Variants in ARHGEF3 observed in about 807,000 individuals in gnomAD.
ARHGEF3 encodes the protein 59.8 kDA protein.
ARHGEF3 carries 28 observed loss-of-function variants against 63.2 expected under a neutral mutation model. The ratio of observed to expected loss-of-function variants is 0.44; its 90% CI spans 0.33 to 0.61. The LOEUF is 0.61. Ranked by LOEUF, ARHGEF3 falls within the 20% of genes least tolerant of loss-of-function variation. The pLI is 0.03. For missense variants in ARHGEF3, 533 were observed against 659.3 expected (o/e 0.81, Z 2.10); for synonymous variants, 266 against 254.2 (o/e 1.05, Z -0.44).
chr3:57,056,039 C>T (rs1164205532), intron 1 of ARHGEF3, among the ~76,000 whole-genome samples: 1 of 151,910 alleles, frequency 6.6e-6, no homozygotes, highest in African/African-American at 2.4e-5. Context: ...AGAATATGAG[C>T]AGACATAGCC....
chr3:56,896,091 A>C (rs1243960146), intron 3 of ARHGEF3, among the ~76,000 whole-genome samples: 6 of 152,224 alleles, frequency 3.9e-5, no homozygotes, highest in Admixed American at 1.3e-4. Context: ...AGAGGAACAA[A>C]GGAACACAGG....
At chr3:56,853,683 T>C (rs1185344902) in intron 4 of ARHGEF3, among the ~76,000 whole-genome samples, 1 of 152,208 alleles carries the variant, frequency 6.6e-6, no homozygotes, top group African/African-American at 2.4e-5. Context: ...CCAAAATTAA[T>C]GAATGCTTTA....
chr3:56,946,774 C>T (rs1699524121), intron 3 of ARHGEF3, among the ~76,000 whole-genome samples: 1 of 152,022 alleles, frequency 6.6e-6, no homozygotes, highest in African/African-American at 2.4e-5. Flanking sequence ...GAAACACAGA[C>T]AATGTCACAA....
At chr3:56,905,351 A>G (rs1000468318) in intron 3 of ARHGEF3, among the ~76,000 whole-genome samples, 25 of 152,110 alleles carry the variant, frequency 1.6e-4, no homozygotes, top group Admixed American at 1.0e-3. Flanking sequence ...ATGCTAACAC[A>G]CTATAGGTAC....
At chr3:56,869,347 C>T (rs1419707515) in intron 4 of ARHGEF3, among the ~76,000 whole-genome samples, 1 of 152,146 alleles carries the variant, frequency 6.6e-6, no homozygotes, top group Admixed American at 6.6e-5. Flanking sequence ...GAATGTTATG[C>T]TTATAGAGAA....
intron 4 of ARHGEF3, among the ~76,000 whole-genome samples, chr3:56,846,400 C>T (rs370860321): frequency 1.3e-4 from 16 of 125,570 alleles, no homozygotes; most frequent in Admixed American, 6.3e-4. Flanking sequence ...TCAAGTGCAA[C>T]GACAAGTAAC....
At chr3:56,984,795 C>G (rs1418581628) in intron 2 of ARHGEF3, among the ~76,000 whole-genome samples, 1 of 152,092 alleles carries the variant, frequency 6.6e-6, no homozygotes, top group African/African-American at 2.4e-5. Flanking sequence ...TAGTTTGGCT[C>G]TTAGAGTGGA....
chr3:57,058,372 C>T lies in ARHGEF3; in HGVS notation c.-28+20854G>A, dbSNP rs534580550. The stretch of plus-strand genomic sequence containing the variant: ...AAACTGTCATAGACTGTGATGCTCT[C>T]GGCGTCCAGCAAAATGAGTGATACT... On this transcript the variant is annotated intron_variant, in intron 1 of 12. Coordinates refer to the ARHGEF3 transcript ENST00000338458. 7.2e-5 allele frequency among the ~76,000 whole-genome samples: 11 copies of T among 152,322 alleles called. No individual in the cohort carries two copies. In the East Asian group the frequency reaches 1.3e-3, roughly 19 times the overall value.
At chr3:56,831,374 C>T (rs1351928304) in intron 4 of ARHGEF3, among the ~76,000 whole-genome samples, 1 of 152,216 alleles carries the variant, frequency 6.6e-6, no homozygotes, top group Non-Finnish European at 1.5e-5. Flanking sequence ...GCTTATTTAC[C>T]TTCCAAGGGT....
chr3:57,058,787 A>G (rs1017985870), intron 1 of ARHGEF3, among the ~76,000 whole-genome samples: 1 of 152,074 alleles, frequency 6.6e-6, no homozygotes, highest in Non-Finnish European at 1.5e-5. Flanking sequence ...TGTGGCACAT[A>G]TACACCATGG....
chr3:56,981,797 G>T (rs116309770), intron 2 of ARHGEF3, among the ~76,000 whole-genome samples: 1 of 152,080 alleles, frequency 6.6e-6, no homozygotes, highest in Non-Finnish European at 1.5e-5. Flanking sequence ...AGCCCTTCCT[G>T]CTTCCTTAAT....
At chr3:57,049,742 C>T (rs1392897035) in intron 1 of ARHGEF3, among the ~76,000 whole-genome samples, 1 of 152,126 alleles carries the variant, frequency 6.6e-6, no homozygotes, top group Non-Finnish European at 1.5e-5. Flanking sequence ...AAGGCAATTC[C>T]AACAGAGAAA....
intron 1 of ARHGEF3, among the ~76,000 whole-genome samples, chr3:57,051,323 A>C (rs1163944582): frequency 8.6e-5 from 13 of 151,996 alleles, no homozygotes; most frequent in African/African-American, 3.1e-4. Context: ...CCCCATCTCT[A>C]CTAAAAATAC....
intron 1 of ARHGEF3, chr3:57,035,221 T>A (rs1468663771): frequency 1.8e-6 from 2 of 1,130,266 alleles, no homozygotes; most frequent in Non-Finnish European, 2.5e-6. Flanking sequence ...TCTAGGTACA[T>A]TTATGTTATA....
intron 4 of ARHGEF3, among the ~76,000 whole-genome samples, chr3:56,810,088 T>G (rs2038011517): frequency 6.6e-6 from 1 of 152,290 alleles, no homozygotes; most frequent in Admixed American, 6.5e-5. Flanking sequence ...TTTATGTGGG[T>G]TTCGTATAGT....
intron 3 of ARHGEF3, among the ~76,000 whole-genome samples, chr3:56,911,980 C>CACACACATATATATATAT (rs2041864950): frequency 6.6e-6 from 1 of 151,052 alleles, no homozygotes; most frequent in African/African-American, 2.4e-5. Context: ...TATATATATA[C>CACACACATATATATATAT]ACACATATAT....
At chr3:56,974,248 T>A (rs1270276091) in intron 2 of ARHGEF3, among the ~76,000 whole-genome samples, 1 of 152,172 alleles carries the variant, frequency 6.6e-6, no homozygotes, top group Non-Finnish European at 1.5e-5. Flanking sequence ...CAATGGGAAA[T>A]TTCCATCCCT....
chr3:56,878,717 C>A (rs773147501), intron 4 of ARHGEF3, among the ~76,000 whole-genome samples: 1 of 152,096 alleles, frequency 6.6e-6, no homozygotes, highest in Non-Finnish European at 1.5e-5. Flanking sequence ...GTGATGCATC[C>A]CCCCAAACAA....
chr3:56,823,398 C>A (rs2038592140), intron 4 of ARHGEF3, among the ~76,000 whole-genome samples: 1 of 152,110 alleles, frequency 6.6e-6, no homozygotes, highest in South Asian at 2.1e-4. Context: ...CATGGTCCAG[C>A]CAGGCATATC....
Sources: allele counts gnomAD v4.1 joint callset (sites outside exome capture counted in the v4.1 genomes callset), GRCh38; gene constraint gnomAD v4.1.1; transcripts MANE v1.5; gene names NCBI Gene and HGNC (gene_info 2026-07-23, HGNC 2026-07-21).